Variants in CXXC4 observed in about 807,000 individuals in gnomAD.
CXXC4 encodes CXXC finger protein 4, also known as CXXC-type zinc finger protein 4.
In CXXC4, 5 loss-of-function variants were observed where a neutral mutation model predicts 20.5. The ratio of observed to expected loss-of-function variants is 0.24; its 90% CI spans 0.13 to 0.51. The LOEUF is 0.51. Ranked by LOEUF, CXXC4 falls within the 20% of genes least tolerant of loss-of-function variation. The pLI, the probability that CXXC4 is intolerant of heterozygous loss-of-function variation, is 0.97. For missense variants in CXXC4, 419 were observed against 496.4 expected (o/e 0.84, Z 1.48); for synonymous variants, 250 against 216.4 (o/e 1.16, Z -1.36).
At chr4:104,485,834 A>G (rs1736675804) in intron 2 of CXXC4, among the ~76,000 whole-genome samples, 1 of 152,074 alleles carries the variant, frequency 6.6e-6, no homozygotes, top group Non-Finnish European at 1.5e-5. Context: ...TTATCAATCT[A>G]TAAGTCTGAC....
At chr4:104,485,893 A>C (rs1254790289) in intron 2 of CXXC4, among the ~76,000 whole-genome samples, 1 of 152,128 alleles carries the variant, frequency 6.6e-6, no homozygotes, top group Non-Finnish European at 1.5e-5. Context: ...CTGAGACTAA[A>C]CAAAATATAG....
chr4:104,482,534 A>G lies in CXXC4; in HGVS notation c.1059+8210T>C, dbSNP rs146950154. On this transcript the variant is annotated intron_variant, in intron 2 of 2. Transcript: ENST00000394767. The stretch of plus-strand genomic sequence containing the variant: ...TCCTTTTTTCTTATCTTCACTTAAC[A>G]TTAAGATCACCACTTATCTAATTTA... 3.3e-3 allele frequency among the ~76,000 whole-genome samples: 507 copies of G among 152,234 alleles called. 3 individuals are homozygous for G. Among genetic ancestry groups the G allele is most frequent in the African/African-American group, 0.012 (493 of 41,562 alleles).
At chr4:104,486,026 TTG>T (rs1736683788) in intron 2 of CXXC4, among the ~76,000 whole-genome samples, 1 of 152,126 alleles carries the variant, frequency 6.6e-6, no homozygotes, top group African/African-American at 2.4e-5. Flanking sequence ...CTTATATGCC[TTG>T]TGTTTGCTCA....
At chr4:104,484,486 T>C (rs1736634423) in intron 2 of CXXC4, among the ~76,000 whole-genome samples, 1 of 152,010 alleles carries the variant, frequency 6.6e-6, no homozygotes, top group South Asian at 2.1e-4. Context: ...ATCTTGAATA[T>C]GACGTCTTTG....
In CXXC4 at chr4:104,490,930, GGAGGAC is replaced by G; in HGVS notation, c.867_872del (p.Ser291_Ser292del). 6.2e-7 allele frequency: 1 copy of G among 1,614,090 alleles called. No individual in the cohort carries two copies. Among genetic ancestry groups the G allele is most frequent in the Non-Finnish European group, 8.5e-7 (1 of 1,180,034 alleles). On this transcript the variant is annotated inframe_deletion, in exon 2 of 3. Coordinates refer to ENST00000394767, the MANE Select transcript of CXXC4 (RefSeq NM_025212.4). The stretch of plus-strand genomic sequence containing the variant: ...GGTTGGCTCCGCCAGCTCCCCCTGA[GGAGGAC>G]GAGGAGGAGGAGGAATGATTCTGCG...
At position 104,492,070 on chromosome 4, in the gene CXXC4, GAA is replaced by G. The variant is rs1736901996; in HGVS notation, c.-257-13_-257-12del. On this transcript the variant is annotated splice_polypyrimidine_tract_variant and intron_variant, in intron 1 of 2. Coordinates refer to ENST00000394767, the MANE Select transcript of CXXC4 (RefSeq NM_025212.4). Reference sequence around the variant, plus strand: ...CTCCAACTGTTACAACTAAAATAAAGAAAGTCATTCCAACGAGCTGCACGAGG... The same window carrying G: ...CTCCAACTGTTACAACTAAAATAAAGAGTCATTCCAACGAGCTGCACGAGG... The G allele has an allele frequency of 3.1e-6, 1 of 319,684 alleles. No homozygotes were observed. 19.8% of individuals were successfully genotyped at this position (319,684 alleles called of 1,614,324 possible).
At chr4:104,493,391 G>A (rs74364730) in intron 1 of CXXC4, among the ~76,000 whole-genome samples, 552 of 152,118 alleles carry the variant, frequency 3.6e-3, no homozygotes, top group Middle Eastern at 6.8e-3. Flanking sequence ...TCTACATGGG[G>A]GCCCAATAGT....
chr4:104,485,563 AC>A (rs1308628950), intron 2 of CXXC4, among the ~76,000 whole-genome samples: 2 of 152,144 alleles, frequency 1.3e-5, no homozygotes, highest in Non-Finnish European at 1.5e-5. Context: ...GAGAGCACCA[AC>A]AACTTTAGAA....
chr4:104,490,990 C>T lies in CXXC4; in HGVS notation c.813G>A (p.Ala271=). 6 of 1,613,990 alleles carry T rather than the reference C, an allele frequency of 3.7e-6. No homozygotes were observed. Among genetic ancestry groups the T allele is most frequent in the Non-Finnish European group, 5.1e-6 (6 of 1,179,994 alleles). Residue 271 remains alanine, a synonymous_variant, in exon 2 of 3, where the codon GCG becomes GCA. Coordinates refer to ENST00000394767, the MANE Select transcript of CXXC4 (RefSeq NM_025212.4). The stretch of plus-strand genomic sequence containing the variant: ...AGTCTGCCAGATTGGCAATTTGAAA[C>T]GCACTGTCTGTGACGGCTGCTGAGG... ...AAASAAVTDS[A]FQIANLADCP...
intron 2 of CXXC4, among the ~76,000 whole-genome samples, chr4:104,477,935 T>C (rs1300389362): frequency 1.3e-5 from 2 of 152,154 alleles, no homozygotes; most frequent in Non-Finnish European, 2.9e-5. Flanking sequence ...TATCCAAATA[T>C]AAATTAAAAA....
At chr4:104,485,721 TAAAC>T (rs1736671405) in intron 2 of CXXC4, among the ~76,000 whole-genome samples, 1 of 152,132 alleles carries the variant, frequency 6.6e-6, no homozygotes, top group South Asian at 2.1e-4. Flanking sequence ...TGGAACCTGT[TAAAC>T]AATGTTCCAA....
intron 2 of CXXC4, among the ~76,000 whole-genome samples, chr4:104,486,545 T>C (rs1736699358): frequency 6.6e-6 from 1 of 152,096 alleles, no homozygotes; most frequent in African/African-American, 2.4e-5. Flanking sequence ...CCTTTCCCTT[T>C]CATACTCACT....
At chr4:104,487,424 T>C (rs1340419999) in intron 2 of CXXC4, among the ~76,000 whole-genome samples, 6 of 152,184 alleles carry the variant, frequency 3.9e-5, no homozygotes, top group Non-Finnish European at 4.4e-5. Context: ...GGGACAATTT[T>C]ATCCCTTGAG....
intron 2 of CXXC4, among the ~76,000 whole-genome samples, chr4:104,472,982 T>C (rs1407941367): frequency 6.6e-6 from 1 of 151,934 alleles, no homozygotes; most frequent in Non-Finnish European, 1.5e-5. Flanking sequence ...TTACTCTGTC[T>C]CTAACCACCC....
rs532142426 is a variant in CXXC4, at chr4:104,487,757, A to G, written c.1059+2987T>C. 2.0e-5 allele frequency among the ~76,000 whole-genome samples: 3 copies of G among 152,334 alleles called. No homozygotes were observed. The South Asian group carries it at 6.2e-4, about 32-fold the overall frequency. Reference sequence around the variant, plus strand: ...GTTATGCAAATACACAGTGCACAGTATAACAGAAAAACTAAATGTTTTGTG... The same window carrying G: ...GTTATGCAAATACACAGTGCACAGTGTAACAGAAAAACTAAATGTTTTGTG... On this transcript the variant is annotated intron_variant, in intron 2 of 2. Transcript: ENST00000394767.
At chr4:104,473,778 G>A (rs1460556989) in intron 2 of CXXC4, among the ~76,000 whole-genome samples, 3 of 79,574 alleles carry the variant, frequency 3.8e-5, no homozygotes, top group African/African-American at 3.0e-4. Context: ...TACTTGTAAT[G>A]CATCTTAAAA....
chr4:104,491,413 A>G lies in CXXC4; in HGVS notation c.390T>C (p.Gly130=), dbSNP rs896194417. 6.4e-6 allele frequency: 6 copies of G among 931,954 alleles called. No homozygotes were observed. Among genetic ancestry groups the G allele is most frequent in the African/African-American group, 2.2e-5 (1 of 44,606 alleles). The allele number at this position is 931,954 out of a possible 1,614,324, so 57.7% of individuals were successfully genotyped here. The change falls in exon 2 of 3, where the codon GGT becomes GGC. Residue 130 remains glycine, a synonymous_variant. Transcript: ENST00000394767. ...AGGAGGATTTCCTGCCGCCCCCACC[A>G]CCCCCGCCCCCGCCTCCGCCGCCGC... ...GGGGGGGGGG[G]GGGGRKSSSA...
At position 104,491,364 on chromosome 4, in the gene CXXC4, A is replaced by AGGCGGAGGAGGAGGCGGC. The variant is rs776235705; in HGVS notation, c.421_438dup (p.Ala141_Ala146dup). The AGGCGGAGGAGGAGGCGGC allele has an allele frequency of 9.9e-6, 14 of 1,415,888 alleles. No individual in the cohort carries two copies. Among genetic ancestry groups the AGGCGGAGGAGGAGGCGGC allele is most frequent in the Non-Finnish European group, 1.3e-5 (14 of 1,087,568 alleles). The allele number at this position is 1,415,888 out of a possible 1,614,324, so 87.7% of individuals were successfully genotyped here. On this transcript the variant is annotated inframe_insertion, in exon 2 of 3. Transcript: ENST00000394767. ...GCGGGGAGGATCGCCGAGGAGGAGG[A>AGGCGGAGGAGGAGGCGGC]GGCGGAGGAGGAGGCGGCGGCGGAG...
rs895451821 is a variant in CXXC4 at position 104,469,995 on chromosome 4, T to C, written c.*2327A>G. 5 of 152,102 alleles carry C rather than the reference T, an allele frequency of 3.3e-5. No homozygotes were observed. Among genetic ancestry groups the C allele is most frequent in the African/African-American group, 1.2e-4 (5 of 41,532 alleles). The allele number at this position is 152,102 out of a possible 1,614,324, so 9.4% of individuals were successfully genotyped here. On this transcript the variant is annotated 3_prime_UTR_variant, in exon 3 of 3. Coordinates refer to ENST00000394767, the MANE Select transcript of CXXC4 (RefSeq NM_025212.4). Reference sequence around the variant, plus strand: ...ATACTTCTATGAGATCTTTAGGTTATTGTATGCCTACTGTAGCCTGAATAG... The same window carrying C: ...ATACTTCTATGAGATCTTTAGGTTACTGTATGCCTACTGTAGCCTGAATAG...
Sources: allele counts gnomAD v4.1 joint callset (sites outside exome capture counted in the v4.1 genomes callset), GRCh38; gene constraint gnomAD v4.1.1; transcripts MANE v1.5; gene names NCBI Gene and HGNC (gene_info 2026-07-23, HGNC 2026-07-21).